Variants in PSMD8 observed in about 807,000 individuals in gnomAD.
PSMD8 encodes proteasome 26S subunit, non-ATPase 8.
PSMD8 carries 30 observed loss-of-function variants against 40.0 expected under a neutral mutation model. The observed-to-expected ratio is 0.75, with a 90% CI of 0.56 to 1.02. The LOEUF (loss-of-function observed/expected upper bound fraction) is 1.02. PSMD8 is among the 50% of genes least tolerant of loss of function. PSMD8 has a pLI of 0.00. For missense variants in PSMD8, 461 were observed against 463.9 expected (o/e 0.99, Z 0.06); for synonymous variants, 208 against 192.5 (o/e 1.08, Z -0.67).
intron 1 of PSMD8, chr19:38,375,235 G>A (rs1970588715): frequency 3.9e-6 from 2 of 508,144 alleles, no homozygotes; most frequent in South Asian, 4.2e-5. Flanking sequence ...TTGAGCCCAG[G>A]AGTTCAAGAT....
chr19:38,379,222 C>T lies in PSMD8; in HGVS notation c.537-18C>T, dbSNP rs750673440. 2.8e-5 allele frequency: 45 copies of T among 1,611,630 alleles called. No homozygotes were observed. In the East Asian group the frequency reaches 9.1e-4, roughly 33 times the overall value. On this transcript the variant is annotated intron_variant, in intron 3 of 6. Transcript: ENST00000215071. ...CCTTAAATCCTCCTTAACCTGCTTC[C>T]CCATCCCACGTCCACAGGGAGCAGC...
In PSMD8 at chr19:38,376,146, C is replaced by T. The variant is rs769895941; in HGVS notation, c.361-14C>T. Reference sequence around the variant, plus strand: ...CCCTTCTTTTCTTTCTTCCCTCCCTCCCCTCCCCATCAGCTAGTTCTTCTG... The same window carrying T: ...CCCTTCTTTTCTTTCTTCCCTCCCTTCCCTCCCCATCAGCTAGTTCTTCTG... On this transcript the variant is annotated splice_polypyrimidine_tract_variant and intron_variant, in intron 1 of 6. Transcript: ENST00000215071. 3 of 1,551,824 alleles carry T rather than the reference C, an allele frequency of 1.9e-6. No individual in the cohort carries two copies. In the East Asian group the frequency reaches 6.8e-5, roughly 35 times the overall value.
In PSMD8 at chr19:38,379,507, T is replaced by G. The variant is rs1201253068; in HGVS notation, c.702+102T>G. On this transcript the variant is annotated intron_variant, in intron 4 of 6. Coordinates refer to ENST00000215071, the MANE Select transcript of PSMD8 (RefSeq NM_002812.5). ...GGAGTGGCCAGGGTTCACCCATCTTTCCACCCACGGACCCATCCTCTTGTT... is the reference window on the plus strand; with the variant it reads ...GGAGTGGCCAGGGTTCACCCATCTTGCCACCCACGGACCCATCCTCTTGTT... 2.9e-5 allele frequency: 37 copies of G among 1,288,394 alleles called. No homozygotes were observed. The East Asian group carries it at 8.4e-4, about 29-fold the overall frequency. 79.8% of individuals were successfully genotyped at this position (1,288,394 alleles called of 1,614,324 possible). A position where few individuals can be genotyped will look rare whatever the true frequency, so the allele number is the denominator to read the frequency against.
intron 6 of PSMD8, 45 bp from the exon 7 acceptor site, chr19:38,383,208 C>T: frequency 1.2e-6 from 2 of 1,610,824 alleles, no homozygotes; most frequent in Non-Finnish European, 1.7e-6. Context: ...GGGGATGGAG[C>T]CTTTGTGATC....
chr19:38,374,922 C>T lies in PSMD8; in HGVS notation c.321C>T (p.Pro107=), dbSNP rs1373795479. The change falls in exon 1 of 7, where the codon CCC becomes CCT. Residue 107 remains proline (P), a synonymous_variant. Transcript: ENST00000215071. ...QLKGEWNRKS[P]NLSKCGEELG... ...AGGGCGAGTGGAACCGTAAAAGCCCCAATCTTAGCAAGTGCGGGGAAGAGC... is the reference window on the plus strand; with the variant it reads ...AGGGCGAGTGGAACCGTAAAAGCCCTAATCTTAGCAAGTGCGGGGAAGAGC... 3 of 1,581,400 alleles carry T rather than the reference C, an allele frequency of 1.9e-6. No homozygotes were observed. The African/African-American group carries it at 4.0e-5, about 21-fold the overall frequency.
At chr19:38,376,267 C>T (rs1467727318) in intron 2 of PSMD8, 35 bp downstream of exon 2, 2 of 1,561,772 alleles carry the variant, frequency 1.3e-6, no homozygotes, top group African/African-American at 2.7e-5. Context: ...GGGTGATAAT[C>T]TGGGGGTCAT....
Position 38,379,666 on chromosome 19 carries a change from G to A in PSMD8, c.702+261G>A, listed in dbSNP as rs553523085. 9.2e-5 allele frequency among the ~76,000 whole-genome samples: 14 copies of A among 152,326 alleles called. No homozygotes were observed. The East Asian group carries it at 1.4e-3, about 15-fold the overall frequency. On this transcript the variant is annotated intron_variant, in intron 4 of 6. Transcript: ENST00000215071. Reference sequence around the variant, plus strand: ...GGGTGTGGAAGCAGATAGTAAGCCCGAAGAGTGAGTGGCCTGCGCAGTCTG... The same window carrying A: ...GGGTGTGGAAGCAGATAGTAAGCCCAAAGAGTGAGTGGCCTGCGCAGTCTG...
In PSMD8 at chr19:38,382,189, C is replaced by T. The variant is rs1478667130; in HGVS notation, c.876C>T (p.Phe292=). 1 of 1,596,812 alleles carries T rather than the reference C, an allele frequency of 6.3e-7. No homozygotes were observed. Among genetic ancestry groups the T allele is most frequent in the Non-Finnish European group, 8.5e-7 (1 of 1,172,098 alleles). The part of the protein sequence containing the change: ...ILFTEATRIL[F]FNTPKKMTDY... Reference sequence around the variant, plus strand: ...TCACTGAGGCCACCCGGATCCTCTTCTTCAACACACCCAAAAAGATGACAG... The same window carrying T: ...TCACTGAGGCCACCCGGATCCTCTTTTTCAACACACCCAAAAAGATGACAG... The change falls in exon 6 of 7, where the codon TTC becomes TTT. Residue 292 remains phenylalanine (F), a synonymous_variant. Transcript: ENST00000215071.
At chr19:38,376,805 G>A (rs919501830) in intron 3 of PSMD8, among the ~76,000 whole-genome samples, 24 of 152,198 alleles carry the variant, frequency 1.6e-4, no homozygotes, top group Admixed American at 1.1e-3. Context: ...AGAACCTGCC[G>A]TGGCTCTTCA....
intron 3 of PSMD8, among the ~76,000 whole-genome samples, chr19:38,378,670 A>C (rs1970616553): frequency 6.7e-6 from 1 of 149,428 alleles, no homozygotes; most frequent in African/African-American, 2.5e-5. Flanking sequence ...AAAAAAAAAA[A>C]GGGCTGGGCG....
At chr19:38,375,398 A>C (rs1970590062) in intron 1 of PSMD8, 1 of 204,472 alleles carries the variant, frequency 4.9e-6, no homozygotes, top group Non-Finnish European at 1.0e-5. Flanking sequence ...TGGAGGCTTA[A>C]CTGGTCGGAG....
At chr19:38,375,067 C>A in intron 1 of PSMD8, 106 bp downstream of exon 1, 2 of 1,481,250 alleles carry the variant, frequency 1.4e-6, no homozygotes, top group Non-Finnish European at 1.8e-6. Context: ...TCGGTGCCAG[C>A]GAGACTGAGG....
intron 5 of PSMD8, among the ~76,000 whole-genome samples, chr19:38,381,780 G>A (rs1970642490): frequency 6.6e-6 from 1 of 152,184 alleles, no homozygotes; most frequent in Non-Finnish European, 1.5e-5. Flanking sequence ...ATGAAGTGGG[G>A]TGCAGCACCC....
At chr19:38,375,278 A>G in intron 1 of PSMD8, 1 of 336,004 alleles carries the variant, frequency 3.0e-6, no homozygotes, top group Non-Finnish European at 5.6e-6. Flanking sequence ...CTCTGTCTCT[A>G]CATTTTTTTT....
intron 4 of PSMD8, among the ~76,000 whole-genome samples, 170 bp from the exon 5 acceptor site, chr19:38,380,729 T>TGTGTGC (rs1555743518): frequency 1.3e-4 from 20 of 150,034 alleles, no homozygotes; most frequent in African/African-American, 4.9e-5. Flanking sequence ...TGTGTGTGTG[T>TGTGTGC]GCGCATAAAC....
chr19:38,380,839 GT>G, intron 4 of PSMD8, 59 bp from the exon 5 acceptor site: 1 of 1,350,274 alleles, frequency 7.4e-7, no homozygotes, highest in East Asian at 2.5e-5. Flanking sequence ...GCCCACACAG[GT>G]AGGCCCCTTT....
intron 4 of PSMD8, among the ~76,000 whole-genome samples, 176 bp from the exon 5 acceptor site, chr19:38,380,723 T>TGTGTGTGTGTGCGCGCGCGTGCACGC (rs575195574): frequency 7.6e-5 from 11 of 143,896 alleles, no homozygotes; most frequent in Non-Finnish European, 1.7e-4. Context: ...TGTGTGTGTG[T>TGTGTGTGTGTGCGCGCGCGTGCACGC]GTGTGTGCGC....
In PSMD8 at chr19:38,375,180, C is replaced by G. The variant is rs902119364; in HGVS notation, c.360+219C>G. The G allele has an allele frequency of 1.6e-5, 12 of 761,468 alleles. No individual in the cohort carries two copies. The East Asian group carries it at 3.7e-4, about 23-fold the overall frequency. 47.2% of individuals were successfully genotyped at this position (761,468 alleles called of 1,614,324 possible). On this transcript the variant is annotated intron_variant, in intron 1 of 6. Coordinates refer to ENST00000215071, the MANE Select transcript of PSMD8 (RefSeq NM_002812.5). Reference sequence around the variant, plus strand: ...GGGACAGGGAGCGTTGATGGTCACGCCTGTAATCGCAGCGCTTTGGGAGGC... The same window carrying G: ...GGGACAGGGAGCGTTGATGGTCACGGCTGTAATCGCAGCGCTTTGGGAGGC...
At position 38,376,463 on chromosome 19, in the gene PSMD8, G is replaced by A. The variant is rs1326901770; in HGVS notation, c.536+9G>A. ...TACTACTTTGATTACAAGTGAGAAT[G>A]GGCCCTGCCCCCAACTGGGGGGGTG... On this transcript the variant is annotated intron_variant, in intron 3 of 6. Coordinates refer to ENST00000215071, the MANE Select transcript of PSMD8 (RefSeq NM_002812.5). The A allele has an allele frequency of 6.5e-7, 1 of 1,544,070 alleles. No homozygotes were observed. The highest frequency in any genetic ancestry group is 8.8e-7 in the Non-Finnish European group (1 of 1,140,006).
Sources: gnomAD v4.1 joint callset for allele counts (sites outside exome capture counted in the v4.1 genomes callset) on GRCh38, gnomAD v4.1.1 for gene constraint, MANE v1.5 for transcripts, NCBI Gene and HGNC (gene_info 2026-07-23, HGNC 2026-07-21) for gene names.